PID1: variants seen among roughly 807,000 people sequenced by gnomAD.
PID1 encodes PTB-containing, cubilin and LRP1-interacting protein.
In PID1, 10 loss-of-function variants were observed where a neutral mutation model predicts 19.1. That is an observed-to-expected ratio of 0.52 (90% confidence interval 0.32 to 0.89). The LOEUF (loss-of-function observed/expected upper bound fraction) is 0.89, where lower values mean the gene tolerates loss of function less well. Ranked by LOEUF, PID1 falls within the 40% of genes least tolerant of loss-of-function variation. The probability of loss-of-function intolerance (pLI) is 0.03; values close to 1 mark genes in which losing one functional copy is unlikely to be tolerated. For synonymous variants in PID1, 130 were observed against 116.0 expected (o/e 1.12, Z -0.78); for missense variants, 248 against 285.3 (o/e 0.87, Z 0.94).
intron 2 of PID1, among the ~76,000 whole-genome samples, chr2:229,139,114 AG>A (rs1281100632): frequency 2.9e-5 from 1 of 35,002 alleles, no homozygotes; most frequent in African/African-American, 1.7e-4. Flanking sequence ...AAAGAAAGAA[AG>A]AGAAAGAAAG....
chr2:229,195,147 T>C (rs1691348376), intron 1 of PID1, among the ~76,000 whole-genome samples: 1 of 151,726 alleles, frequency 6.6e-6, no homozygotes, highest in African/African-American at 2.4e-5. Flanking sequence ...ATATTGTATT[T>C]TGCTTTAATT....
chr2:229,114,852 AT>A (rs1695378446), intron 2 of PID1, among the ~76,000 whole-genome samples: 1 of 152,160 alleles, frequency 6.6e-6, no homozygotes, highest in Non-Finnish European at 1.5e-5. Context: ...TGCACAATGG[AT>A]TTTCCATACA....
intron 2 of PID1, among the ~76,000 whole-genome samples, chr2:229,106,662 G>A (rs944040231): frequency 2.6e-5 from 4 of 152,188 alleles, no homozygotes; most frequent in Admixed American, 2.6e-4. Flanking sequence ...TCCTTTATCA[G>A]ACATTAAATC....
chr2:229,215,347 T>C (rs1691822857), intron 1 of PID1, among the ~76,000 whole-genome samples: 1 of 152,280 alleles, frequency 6.6e-6, no homozygotes, highest in African/African-American at 2.4e-5. Flanking sequence ...CTTTTTCATA[T>C]TGATTGTGAA....
chr2:229,098,301 C>T (rs1050106026), intron 2 of PID1, among the ~76,000 whole-genome samples: 2 of 152,070 alleles, frequency 1.3e-5, no homozygotes, highest in African/African-American at 4.8e-5. Flanking sequence ...TTTGTTTCAC[C>T]CATCAGCACG....
At chr2:229,120,950 G>A (rs1695506075) in intron 2 of PID1, among the ~76,000 whole-genome samples, 1 of 151,984 alleles carries the variant, frequency 6.6e-6, no homozygotes, top group Non-Finnish European at 1.5e-5. Context: ...CTCCTCCTTT[G>A]ACCTCCCACC....
intron 2 of PID1, among the ~76,000 whole-genome samples, chr2:229,058,522 C>A (rs1267375417): frequency 1.3e-5 from 2 of 152,124 alleles, no homozygotes; most frequent in African/African-American, 4.8e-5. Flanking sequence ...TGACAGCCGC[C>A]CCTGCTGGCA....
chr2:229,082,047 A>C (rs1429834306), intron 2 of PID1, among the ~76,000 whole-genome samples: 1 of 152,224 alleles, frequency 6.6e-6, no homozygotes, highest in South Asian at 2.1e-4. Context: ...ATAAAACCTC[A>C]GTATTCTTTA....
chr2:229,168,602 C>A (rs1423640306), intron 1 of PID1, among the ~76,000 whole-genome samples: 1 of 152,058 alleles, frequency 6.6e-6, no homozygotes, highest in Non-Finnish European at 1.5e-5. Flanking sequence ...TGCTTTCCAC[C>A]TTTTCCAATA....
At chr2:229,183,262 A>G (rs1026448864) in intron 1 of PID1, among the ~76,000 whole-genome samples, 4 of 152,186 alleles carry the variant, frequency 2.6e-5, no homozygotes, top group Non-Finnish European at 4.4e-5. Flanking sequence ...AGGGAGAGGT[A>G]TGGAACAGAT....
intron 2 of PID1, among the ~76,000 whole-genome samples, chr2:229,139,397 A>C (rs1249964447): frequency 6.6e-6 from 1 of 152,170 alleles, no homozygotes; most frequent in African/African-American, 2.4e-5. Flanking sequence ...CTATCCTACA[A>C]ATACAATGAA....
chr2:229,058,897 T>C (rs983066561), intron 2 of PID1, among the ~76,000 whole-genome samples: 9 of 152,212 alleles, frequency 5.9e-5, no homozygotes, highest in African/African-American at 1.9e-4. Flanking sequence ...CCGTGGAAAG[T>C]GAGGCAGCCC....
intron 2 of PID1, among the ~76,000 whole-genome samples, chr2:229,056,611 T>C (rs982272071): frequency 1.6e-5 from 2 of 122,558 alleles, no homozygotes; most frequent in Admixed American, 1.5e-4. Flanking sequence ...TAAATAAAAA[T>C]AATATATATA....
intron 2 of PID1, among the ~76,000 whole-genome samples, chr2:229,026,855 A>G (rs1411991205): frequency 6.6e-6 from 1 of 152,180 alleles, no homozygotes; most frequent in East Asian, 1.9e-4. Context: ...AATAATTCCA[A>G]ACGATTCAAA....
intron 2 of PID1, among the ~76,000 whole-genome samples, chr2:229,067,286 T>G (rs917880339): frequency 6.6e-6 from 1 of 152,110 alleles, no homozygotes; most frequent in African/African-American, 2.4e-5. Flanking sequence ...CAAGGTGAGA[T>G]TTGGGTGGGG....
chr2:229,142,063 G>A (rs946634264), intron 2 of PID1, among the ~76,000 whole-genome samples: 6 of 151,642 alleles, frequency 4.0e-5, no homozygotes, highest in Admixed American at 6.6e-5. Context: ...TTATGACCCC[G>A]TGTTATTTAT....
At chr2:229,237,442 A>G (rs1158527023) in intron 1 of PID1, among the ~76,000 whole-genome samples, 1 of 152,176 alleles carries the variant, frequency 6.6e-6, no homozygotes, top group Admixed American at 6.6e-5. Context: ...CCTAACAAGC[A>G]TTATTCTCTA....
rs1691988320 is a variant in PID1 at position 229,222,321 on chromosome 2, GTTATTT to G, written c.30+48687_30+48692del. Among the ~76,000 whole-genome samples the G allele has an allele frequency of 3.9e-5, 6 of 152,178 alleles. No homozygotes were observed. In the South Asian group the frequency reaches 1.0e-3, roughly 26 times the overall value. ...TCCCCATCCTGTTATGGTCACTATTGTTATTTTTATTTTTCCGTACTTACTCTTAAT... is the reference window on the plus strand; with the variant it reads ...TCCCCATCCTGTTATGGTCACTATTGTTATTTTTCCGTACTTACTCTTAAT... On this transcript the variant is annotated intron_variant, in intron 1 of 2. Transcript: ENST00000392055.
At chr2:229,160,571 G>C (rs1690472942) in intron 1 of PID1, among the ~76,000 whole-genome samples, 1 of 152,092 alleles carries the variant, frequency 6.6e-6, no homozygotes, top group Non-Finnish European at 1.5e-5. Flanking sequence ...GGCACAGCTG[G>C]AACAGAAATA....
Sources: gnomAD v4.1 joint callset for allele counts (sites outside exome capture counted in the v4.1 genomes callset) on GRCh38, gnomAD v4.1.1 for gene constraint, MANE v1.5 for transcripts, NCBI Gene and HGNC (gene_info 2026-07-23, HGNC 2026-07-21) for gene names.